The following COP1 variants were observed in gnomAD, a reference collection of about 807,000 sequenced individuals.
COP1 encodes the protein E3 ubiquitin-protein ligase COP1.
A neutral mutation model predicts 101.3 loss-of-function variants in COP1; 24 were observed. The observed-to-expected ratio is 0.24, with a 90% CI of 0.17 to 0.33. COP1 has a LOEUF of 0.33. Among genes scored for constraint, COP1 ranks in the 10% least tolerant of loss-of-function variants. COP1 has a pLI of 1.00. For missense variants in COP1, 663 were observed against 906.2 expected, an observed-to-expected ratio of 0.73 and a Z score of 3.45; for synonymous variants, 347 against 341.9, an observed-to-expected ratio of 1.01 and a Z score of -0.17.
chr1:175,998,082 AAAAAAAAAG>A lies in COP1; in HGVS notation c.1730-8612_1730-8604del, dbSNP rs1249437625. Among the ~76,000 whole-genome samples the A allele has an allele frequency of 8.6e-4, 124 of 144,692 alleles. 1 individual carries two copies. The highest frequency in any genetic ancestry group is 1.8e-3 in the African/African-American group (70 of 38,584). 94.9% of individuals were successfully genotyped at this position (144,692 alleles called of 152,430 possible). On this transcript the variant is annotated intron_variant, in intron 15 of 19. Transcript: ENST00000367669. ...TATAATTAAAAAAAAAAAAAAAAAAAAAAAAAAAGAAAATGTGGCACATATACACCATGG... is the reference window on the plus strand; with the variant it reads ...TATAATTAAAAAAAAAAAAAAAAAAAAAAATGTGGCACATATACACCATGG...
chr1:176,000,086 T>C (rs1007290173), intron 15 of COP1, among the ~76,000 whole-genome samples: 6 of 152,148 alleles, frequency 3.9e-5, no homozygotes, highest in Non-Finnish European at 8.8e-5. Context: ...GACTGTTGCC[T>C]TCGCTGTGCA....
At chr1:176,124,332 T>A (rs911674216) in intron 8 of COP1, among the ~76,000 whole-genome samples, 12 of 152,146 alleles carry the variant, frequency 7.9e-5, no homozygotes, top group Non-Finnish European at 1.8e-4. Context: ...AGTCACCCTG[T>A]TATGCTATCA....
chr1:176,157,062 G>A (rs538990621), intron 5 of COP1, among the ~76,000 whole-genome samples: 16 of 152,000 alleles, frequency 1.1e-4, no homozygotes, highest in South Asian at 2.1e-4. Flanking sequence ...GCCGAGGGGG[G>A]TGGTGTGTGC....
chr1:176,098,302 T>C (rs534415588), intron 9 of COP1, among the ~76,000 whole-genome samples: 1 of 152,324 alleles, frequency 6.6e-6, no homozygotes, highest in South Asian at 2.1e-4. Context: ...TTATAATATG[T>C]AATTGAAACT....
chr1:176,114,416 CAAGAAA>C (rs1366552218), intron 9 of COP1, among the ~76,000 whole-genome samples: 1 of 151,794 alleles, frequency 6.6e-6, no homozygotes, highest in Non-Finnish European at 1.5e-5. Context: ...AGTTTGGAGA[CAAGAAA>C]AAGAAAAACA....
intron 14 of COP1, among the ~76,000 whole-genome samples, chr1:176,042,075 G>A (rs923739995): frequency 1.3e-5 from 2 of 151,944 alleles, no homozygotes; most frequent in African/African-American, 4.8e-5. Context: ...TTGCCCCACT[G>A]TACTCCAGTC....
At chr1:176,192,786 G>C (rs1230205739) in intron 1 of COP1, among the ~76,000 whole-genome samples, 1 of 152,148 alleles carries the variant, frequency 6.6e-6, no homozygotes, top group Non-Finnish European at 1.5e-5. Flanking sequence ...TCATTAGATA[G>C]TATCCCCATC....
At chr1:175,959,580 A>C (rs1399596112) in intron 18 of COP1, among the ~76,000 whole-genome samples, 1 of 152,130 alleles carries the variant, frequency 6.6e-6, no homozygotes, top group African/African-American at 2.4e-5. Context: ...TGAATAATTA[A>C]AATTAATAAG....
chr1:175,977,559 T>C (rs1303516355), intron 18 of COP1, among the ~76,000 whole-genome samples: 2 of 151,826 alleles, frequency 1.3e-5, no homozygotes, highest in East Asian at 1.9e-4. Flanking sequence ...TAAGAAATAA[T>C]GGAATAAGAG....
intron 9 of COP1, among the ~76,000 whole-genome samples, chr1:176,097,001 T>C (rs1188783435): frequency 6.6e-6 from 1 of 152,180 alleles, no homozygotes; most frequent in Admixed American, 6.5e-5. Context: ...TTGCTATTTG[T>C]TGATTCTCTT....
At chr1:176,021,869 A>G (rs1405850117) in intron 15 of COP1, among the ~76,000 whole-genome samples, 2 of 152,182 alleles carry the variant, frequency 1.3e-5, no homozygotes, top group African/African-American at 4.8e-5. Context: ...TAAATAATCT[A>G]TGTCTGATTG....
At chr1:176,158,043 AATCTACAG>A (rs1197448914) in intron 5 of COP1, among the ~76,000 whole-genome samples, 1 of 152,132 alleles carries the variant, frequency 6.6e-6, no homozygotes, top group Non-Finnish European at 1.5e-5. Flanking sequence ...GCAAACTATA[AATCTACAG>A]ATCTAAAAAA....
intron 15 of COP1, 140 bp downstream of exon 15, chr1:176,027,432 T>C: frequency 1.6e-6 from 1 of 641,928 alleles, no homozygotes; most frequent in Non-Finnish European, 2.8e-6. Flanking sequence ...GATGGCATAC[T>C]GTATACTTCT....
chr1:176,070,459 C>T (rs1052902273), intron 11 of COP1, among the ~76,000 whole-genome samples: 8 of 151,358 alleles, frequency 5.3e-5, no homozygotes, highest in Non-Finnish European at 8.8e-5. Context: ...GTCAGGAGTT[C>T]GAGACCAGCC....
At chr1:176,162,444 T>C (rs975083381) in intron 5 of COP1, among the ~76,000 whole-genome samples, 3 of 152,192 alleles carry the variant, frequency 2.0e-5, no homozygotes, top group Non-Finnish European at 4.4e-5. Context: ...AGTTATGCCA[T>C]AGACTACTAC....
At chr1:175,947,297 A>G in intron 18 of COP1, 58 bp from the exon 19 acceptor site, 1 of 1,134,142 alleles carries the variant, frequency 8.8e-7, no homozygotes, top group East Asian at 2.3e-5. Context: ...GAGCAATCCA[A>G]GAGATAATTT....
intron 4 of COP1, 102 bp downstream of exon 4, chr1:176,163,713 A>G: frequency 1.4e-6 from 1 of 717,742 alleles, no homozygotes; most frequent in Admixed American, 3.1e-5. Flanking sequence ...GCCTTTTAAG[A>G]AAAATCAATA....
intron 1 of COP1, among the ~76,000 whole-genome samples, chr1:176,202,042 A>G (rs1700313424): frequency 6.6e-6 from 1 of 152,174 alleles, no homozygotes; most frequent in Non-Finnish European, 1.5e-5. Context: ...CCACTTTCCT[A>G]TCAGAGGAAA....
intron 19 of COP1, 84 bp downstream of exon 19, chr1:175,947,111 T>C: frequency 1.1e-6 from 1 of 932,300 alleles, no homozygotes; most frequent in Non-Finnish European, 1.8e-6. Context: ...TCTCTAAGGC[T>C]CAGTACAATG....
Sources: gnomAD v4.1 joint callset for allele counts (sites outside exome capture counted in the v4.1 genomes callset) on GRCh38, gnomAD v4.1.1 for gene constraint, MANE v1.5 for transcripts, NCBI Gene and HGNC (gene_info 2026-07-23, HGNC 2026-07-21) for gene names.